PLCG1: variants seen among roughly 807,000 people sequenced by gnomAD.
PLCG1 encodes 1-phosphatidylinositol 4,5-bisphosphate phosphodiesterase gamma-1.
PLCG1 carries 71 observed loss-of-function variants against 177.8 expected under a neutral mutation model. The ratio of observed to expected loss-of-function variants is 0.40; its 90% confidence interval spans 0.33 to 0.49. PLCG1 has a LOEUF of 0.49. PLCG1 is among the 20% of genes least tolerant of loss of function. The probability of loss-of-function intolerance (pLI) is 0.72; values close to 1 mark genes in which losing one functional copy is unlikely to be tolerated. For synonymous variants in PLCG1, 658 were observed against 647.9 expected (o/e 1.02, Z -0.24); for missense variants, 1,281 against 1,709.0 (o/e 0.75, Z 4.42).
At position 41,176,183 on chromosome 20, in the gene PLCG1, G is replaced by C. The variant is rs1200549966; in HGVS notation, c.*1674G>C. 6.6e-6 allele frequency: 1 copy of C among 152,174 alleles called. No homozygotes were observed. The highest frequency in any genetic ancestry group is 1.5e-5 in the Non-Finnish European group (1 of 68,048). 9.4% of individuals were successfully genotyped at this position (152,174 alleles called of 1,614,324 possible). A position where few individuals can be genotyped will look rare whatever the true frequency, so the allele number is the denominator to read the frequency against. Reference sequence around the variant, plus strand: ...CTGTTTCCATAGTTGGCTGTGCTGGGATGGAACAAAAATGACGCCACACAA... The same window carrying C: ...CTGTTTCCATAGTTGGCTGTGCTGGCATGGAACAAAAATGACGCCACACAA... On this transcript the variant is annotated 3_prime_UTR_variant, in exon 32 of 32. Coordinates refer to ENST00000685551, the MANE Select transcript of PLCG1 (RefSeq NM_002660.3).
Position 41,148,615 on chromosome 20 carries a change from A to C in PLCG1, c.217+10757A>C, listed in dbSNP as rs1453014351. Among the ~76,000 whole-genome samples the C allele has an allele frequency of 1.3e-5, 2 of 152,196 alleles. No individual in the cohort carries two copies. The highest frequency in any genetic ancestry group is 2.9e-5 in the Non-Finnish European group (2 of 68,032). On this transcript the variant is annotated intron_variant, in intron 1 of 31. Transcript: ENST00000685551. This position sits in a 1 kb window ranked among gnomAD's most constrained non-coding sequence, Gnocchi z 4.3. ...TCTTGAATAAGGTCCCCAAAACCTT[A>C]TTAAGTTCCTGGTAGGCATGGAGCA...
rs1161542037 is a variant in PLCG1 at position 41,144,468 on chromosome 20, C to T, written c.217+6610C>T. The stretch of plus-strand genomic sequence containing the variant: ...TCCTGCACTCATCCTTGCCACAACA[C>T]CGGTGTCGAGATGCTTGGCCCACCC... On this transcript the variant is annotated intron_variant, in intron 1 of 31. Coordinates refer to ENST00000685551, the MANE Select transcript of PLCG1 (RefSeq NM_002660.3). This position sits in a 1 kb window ranked among gnomAD's most constrained non-coding sequence, Gnocchi z 4.1. 1.3e-5 allele frequency among the ~76,000 whole-genome samples: 2 copies of T among 152,206 alleles called. No homozygotes were observed. Among genetic ancestry groups the T allele is most frequent in the Non-Finnish European group, 2.9e-5 (2 of 68,034 alleles).
At position 41,172,167 on chromosome 20, in the gene PLCG1, C is replaced by T; in HGVS notation, c.2809-26C>T. The T allele has an allele frequency of 2.5e-6, 4 of 1,573,952 alleles. No individual in the cohort carries two copies. Among genetic ancestry groups the T allele is most frequent in the Non-Finnish European group, 3.5e-6 (4 of 1,143,300 alleles). ...TCCTGGGCAGGGCTGTAGCCTGGGG[C>T]TACAGGGCCTTGTGTGTGTCACCAG... On this transcript the variant is annotated intron_variant, in intron 24 of 31. Coordinates refer to ENST00000685551, the MANE Select transcript of PLCG1 (RefSeq NM_002660.3). This position sits in a 1 kb window ranked among gnomAD's most constrained non-coding sequence, Gnocchi z 7.0.
At position 41,172,079 on chromosome 20, in the gene PLCG1, G is replaced by A. The variant is rs2035919306; in HGVS notation, c.2809-114G>A. The A allele has an allele frequency of 2.6e-6, 2 of 781,032 alleles. No homozygotes were observed. The highest frequency in any genetic ancestry group is 4.7e-6 in the Non-Finnish European group (2 of 429,634). The allele number at this position is 781,032 out of a possible 1,614,324, so 48.4% of individuals were successfully genotyped here. Reference sequence around the variant, plus strand: ...TGGTGTCTGGAAGGTACAGGGGAAGGTGGGAGAGGGGCCCAGAGCACCTGC... The same window carrying A: ...TGGTGTCTGGAAGGTACAGGGGAAGATGGGAGAGGGGCCCAGAGCACCTGC... On this transcript the variant is annotated intron_variant, in intron 24 of 31. Transcript: ENST00000685551. This position sits in a 1 kb window ranked among gnomAD's most constrained non-coding sequence, Gnocchi z 7.0.
chr20:41,138,966 C>T (rs996132268), intron 1 of PLCG1, among the ~76,000 whole-genome samples: 2 of 152,056 alleles, frequency 1.3e-5, no homozygotes, highest in African/African-American at 4.8e-5. Flanking sequence ...TGCAGGGACC[C>T]CCGGAGACTA....
At position 41,167,973 on chromosome 20, in the gene PLCG1, C is replaced by A. The variant is rs754183025; in HGVS notation, c.2379+44C>A. The A allele has an allele frequency of 1.5e-6, 2 of 1,321,076 alleles. No individual in the cohort carries two copies. Among genetic ancestry groups the A allele is most frequent in the African/African-American group, 2.9e-5 (2 of 69,298 alleles). The allele number at this position is 1,321,076 out of a possible 1,614,324, so 81.8% of individuals were successfully genotyped here. On this transcript the variant is annotated intron_variant, in intron 20 of 31. Transcript: ENST00000685551. The surrounding 1 kb of genome is among the most constrained non-coding windows in gnomAD (Gnocchi z 4.4). The stretch of plus-strand genomic sequence containing the variant: ...GGCATAGGAAGCTGGGGAGGGTCCC[C>A]AGCTGCTTGGGGCTTCATTTCTGTG...
Position 41,173,401 on chromosome 20 carries a change from C to T in PLCG1, c.3280-19C>T. ...GGAGCAGGAAGGACAATCCCAGGCC[C>T]TTCTTTGTCTGCCTACAGGTGCTGG... On this transcript the variant is annotated intron_variant, in intron 27 of 31. Transcript: ENST00000685551. This position sits in a 1 kb window ranked among gnomAD's most constrained non-coding sequence, Gnocchi z 6.2. 1.3e-6 allele frequency: 2 copies of T among 1,563,818 alleles called. No homozygotes were observed. The highest frequency in any genetic ancestry group is 1.2e-5 in the South Asian group (1 of 80,878).
chr20:41,173,309 C>A lies in PLCG1; in HGVS notation c.3280-111C>A. 8.6e-7 allele frequency: 1 copy of A among 1,157,706 alleles called. No individual in the cohort carries two copies. Among genetic ancestry groups the A allele is most frequent in the Non-Finnish European group, 1.2e-6 (1 of 832,232 alleles). 71.7% of individuals were successfully genotyped at this position (1,157,706 alleles called of 1,614,324 possible). A position where few individuals can be genotyped will look rare whatever the true frequency, so the allele number is the denominator to read the frequency against. On this transcript the variant is annotated intron_variant, in intron 27 of 31. Coordinates refer to ENST00000685551, the MANE Select transcript of PLCG1 (RefSeq NM_002660.3). The surrounding 1 kb of genome is among the most constrained non-coding windows in gnomAD (Gnocchi z 6.2). ...GACTCCATGGGCAGTGTCCCGGGGG[C>A]CCAGCAGAGGGCGCGCTGCCTCCAC... is the stretch of plus-strand genomic sequence containing the variant.
rs760222022 is a variant in PLCG1, at chr20:41,137,901, G to A, written c.217+43G>A. The A allele has an allele frequency of 3.2e-5, 39 of 1,206,886 alleles. No homozygotes were observed. Among genetic ancestry groups the A allele is most frequent in the Non-Finnish European group, 4.1e-5 (39 of 951,476 alleles). 74.8% of individuals were successfully genotyped at this position (1,206,886 alleles called of 1,614,324 possible). A position where few individuals can be genotyped will look rare whatever the true frequency, so the allele number is the denominator to read the frequency against. On this transcript the variant is annotated intron_variant, in intron 1 of 31. Transcript: ENST00000685551. The surrounding 1 kb of genome is among the most constrained non-coding windows in gnomAD (Gnocchi z 7.3). ...CTGCCTGGGCCCGCCCCGCGCGGGG[G>A]TCGTGGGAGCCCGGCCCGACTGCTT...
intron 1 of PLCG1, among the ~76,000 whole-genome samples, chr20:41,140,995 T>G (rs988159234): frequency 8.5e-5 from 13 of 152,230 alleles, no homozygotes; most frequent in African/African-American, 2.9e-4. Context: ...GAGACACCTT[T>G]GTGCTCAGAC....
Position 41,172,218 on chromosome 20 carries a change from G to A in PLCG1, c.2834G>A (p.Arg945Gln), listed in dbSNP as rs1038755493. 2.5e-6 allele frequency: 4 copies of A among 1,613,828 alleles called. No individual in the cohort carries two copies. The African/African-American group carries it at 4.0e-5, about 16-fold the overall frequency. The change falls in exon 25 of 32, where the codon CGG becomes CAG. Residue 945 changes from arginine (R) to glutamine (Q), a missense_variant. This residue lies in a region of PLCG1 where 723 missense variants were observed against 1,030.0 expected (regional missense o/e 0.70). Transcript: ENST00000685551. The surrounding 1 kb of genome is among the most constrained non-coding windows in gnomAD (Gnocchi z 7.0). ...CTCACTGAAGGGAAGATAATGGAAC[G>A]GAGGAAGAAGATTGCCCTGGAGCTC... Reference protein sequence around the residue: ...ARLTEGKIMERRKKIALELSE... With the variant: ...ARLTEGKIMEQRKKIALELSE...
Position 41,164,276 on chromosome 20 carries a change from A to C in PLCG1, c.1217+75A>C, listed in dbSNP as rs2035609745. 1 of 1,483,174 alleles carries C rather than the reference A, an allele frequency of 6.7e-7. No homozygotes were observed. The highest frequency in any genetic ancestry group is 1.7e-5 in the Admixed American group (1 of 59,376). The allele number at this position is 1,483,174 out of a possible 1,614,324, so 91.9% of individuals were successfully genotyped here. A position where few individuals can be genotyped will look rare whatever the true frequency, so the allele number is the denominator to read the frequency against. ...CGTTCTAGAGGGACAGAGGGCAGAA[A>C]GACTCCTCAAATGCCCTGTCCCCTC... On this transcript the variant is annotated intron_variant, in intron 12 of 31. Coordinates refer to ENST00000685551, the MANE Select transcript of PLCG1 (RefSeq NM_002660.3). The surrounding 1 kb of genome is among the most constrained non-coding windows in gnomAD (Gnocchi z 6.4).
Position 41,156,689 on chromosome 20 carries a change from G to A in PLCG1, c.218-2917G>A, listed in dbSNP as rs1169007908. On this transcript the variant is annotated intron_variant, in intron 1 of 31. Transcript: ENST00000685551. The surrounding 1 kb of genome is among the most constrained non-coding windows in gnomAD (Gnocchi z 5.0). The stretch of plus-strand genomic sequence containing the variant: ...TAGGTCATGGATTTTTGGGTATAAC[G>A]TGTGACTTTCCTACTCCCCTAAGTA... Among the ~76,000 whole-genome samples the A allele has an allele frequency of 2.0e-5, 3 of 152,152 alleles. No individual in the cohort carries two copies. Among genetic ancestry groups the A allele is most frequent in the East Asian group, 1.9e-4 (1 of 5,182 alleles).
chr20:41,148,912 A>G lies in PLCG1; in HGVS notation c.218-10694A>G, dbSNP rs960005433. Among the ~76,000 whole-genome samples, 22 of 152,230 alleles carry G rather than the reference A, an allele frequency of 1.4e-4. No homozygotes were observed. The highest frequency in any genetic ancestry group is 4.6e-4 in the African/African-American group (19 of 41,522). ...GTATTGTTGGCTTTGCCACTCACCA[A>G]CTGCCACCTTAGGTAAGTTAATTAA... On this transcript the variant is annotated intron_variant, in intron 1 of 31. Transcript: ENST00000685551. This position sits in a 1 kb window ranked among gnomAD's most constrained non-coding sequence, Gnocchi z 4.3.
At position 41,146,492 on chromosome 20, in the gene PLCG1, G is replaced by A. The variant is rs2034998926; in HGVS notation, c.217+8634G>A. Among the ~76,000 whole-genome samples the A allele has an allele frequency of 6.6e-6, 1 of 152,224 alleles. No homozygotes were observed. On this transcript the variant is annotated intron_variant, in intron 1 of 31. Transcript: ENST00000685551. This position sits in a 1 kb window ranked among gnomAD's most constrained non-coding sequence, Gnocchi z 6.3. ...CTGGGCGCAAGGCAGCAAGGCTTGG[G>A]TACGGAGGAGAGTGGGTGGTCTTAC...
At chr20:41,141,440 A>T (rs2145995512) in intron 1 of PLCG1, among the ~76,000 whole-genome samples, 1 of 152,314 alleles carries the variant, frequency 6.6e-6, no homozygotes, top group Admixed American at 6.5e-5. Flanking sequence ...CTCAGAAGGG[A>T]GGTAGTAGTG....
Position 41,173,548 on chromosome 20 carries a change from C to G in PLCG1, c.3394+14C>G, listed in dbSNP as rs1387111929. 6.2e-7 allele frequency: 1 copy of G among 1,613,832 alleles called. No individual in the cohort carries two copies. Among genetic ancestry groups the G allele is most frequent in the Middle Eastern group, 1.6e-4 (1 of 6,062 alleles). ...CAGAGTTTGTGGGTCAGTCTGTCTT[C>G]CCAGTCATCCTCCTCATCCTGCTGG... On this transcript the variant is annotated intron_variant, in intron 28 of 31. Transcript: ENST00000685551. The surrounding 1 kb of genome is among the most constrained non-coding windows in gnomAD (Gnocchi z 6.2).
rs1361458015 is a variant in PLCG1 at position 41,173,180 on chromosome 20, G to T, written c.3280-240G>T. Among the ~76,000 whole-genome samples, 3 of 152,166 alleles carry T rather than the reference G, an allele frequency of 2.0e-5. No homozygotes were observed. The East Asian group carries it at 5.8e-4, about 29-fold the overall frequency. ...AAAATAGTAATGGATTTAACATGAA[G>T]TAGATTGCAAAACTCACATGGAAAT... On this transcript the variant is annotated intron_variant, in intron 27 of 31. Coordinates refer to ENST00000685551, the MANE Select transcript of PLCG1 (RefSeq NM_002660.3). This position sits in a 1 kb window ranked among gnomAD's most constrained non-coding sequence, Gnocchi z 6.2.
At chr20:41,161,075 A>G (rs35709449) in intron 4 of PLCG1, among the ~76,000 whole-genome samples, 4,001 of 152,204 alleles carry the variant, frequency 0.026, 67 homozygotes, top group Middle Eastern at 0.048. Flanking sequence ...ACTGAAAGCC[A>G]CAGGGCTGGG....
Sources: gnomAD v4.1 joint callset for allele counts (sites outside exome capture counted in the v4.1 genomes callset) on GRCh38, gnomAD v4.1.1 for gene constraint, gnomAD v4.1.1 regional missense constraint, Gnocchi (gnomAD v3.1) non-coding constraint, MANE v1.5 for transcripts, NCBI Gene and HGNC (gene_info 2026-07-23, HGNC 2026-07-21) for gene names.